Variants in WWTR1 observed in about 807,000 individuals in gnomAD.
The protein encoded by WWTR1 is WW domain-containing transcription regulator protein 1.
A neutral mutation model predicts 40.1 loss-of-function variants in WWTR1; 13 were observed. That is an observed-to-expected ratio of 0.32 (90% confidence interval 0.21 to 0.52). The LOEUF (loss-of-function observed/expected upper bound fraction) is 0.52, where lower values mean the gene tolerates loss of function less well. Ranked by LOEUF, WWTR1 falls within the 20% of genes least tolerant of loss-of-function variation. WWTR1 has a pLI of 0.97. For synonymous variants in WWTR1, 230 were observed against 210.1 expected (o/e 1.09, Z -0.82); for missense variants, 436 against 523.1 (o/e 0.83, Z 1.63).
rs1713279473 is a variant in WWTR1, at chr3:149,657,053, A to G, written c.254T>C (p.Val85Ala). ...GPRLAGGAQH[V>A]RSHSSPASLQ... ...GGACGCGGGCGACGAGTGCGAGCGG[A>G]CATGCTGGGCACCCCCAGCCAGTCG... The change falls in exon 2 of 7, where the codon GTC (valine) becomes GCC (alanine). Residue 85 changes from valine to alanine, a missense_variant. Coordinates refer to ENST00000360632, the MANE Select transcript of WWTR1 (RefSeq NM_015472.6). 1.3e-6 allele frequency: 2 copies of G among 1,574,970 alleles called. No individual in the cohort carries two copies. Among genetic ancestry groups the G allele is most frequent in the Non-Finnish European group, 1.7e-6 (2 of 1,165,022 alleles).
At chr3:149,589,553 G>A (rs1376629567) in intron 2 of WWTR1, among the ~76,000 whole-genome samples, 5 of 151,764 alleles carry the variant, frequency 3.3e-5, no homozygotes, top group Non-Finnish European at 7.4e-5. Flanking sequence ...GAGGAACCCC[G>A]TGCAATGAGT....
At chr3:149,583,608 A>G (rs1738257459) in intron 2 of WWTR1, among the ~76,000 whole-genome samples, 1 of 152,224 alleles carries the variant, frequency 6.6e-6, no homozygotes, top group African/African-American at 2.4e-5. Context: ...ATCTTTCAGT[A>G]AGCCCAATGC....
chr3:149,522,727 G>A (rs1735115049), intron 6 of WWTR1, among the ~76,000 whole-genome samples: 1 of 151,850 alleles, frequency 6.6e-6, no homozygotes, highest in Non-Finnish European at 1.5e-5. Context: ...TTTTAGCCAA[G>A]CAAAATCTCT....
At chr3:149,564,024 G>C (rs1331428371) in intron 3 of WWTR1, among the ~76,000 whole-genome samples, 1 of 152,194 alleles carries the variant, frequency 6.6e-6, no homozygotes, top group African/African-American at 2.4e-5. Flanking sequence ...AAAGCGCTGG[G>C]ATTACAGGTG....
chr3:149,708,710 C>T (rs62271165), intron 5 of WWTR1, among the ~76,000 whole-genome samples: 48,152 of 152,048 alleles, frequency 0.32, 8,456 homozygotes, highest in Middle Eastern at 0.52. Flanking sequence ...ATCCATTTGT[C>T]TGTTGATGGA....
chr3:149,649,394 A>G (rs1243917397), intron 2 of WWTR1, among the ~76,000 whole-genome samples: 2 of 152,256 alleles, frequency 1.3e-5, no homozygotes, highest in Non-Finnish European at 2.9e-5. Flanking sequence ...TTCACCGTCT[A>G]AATCCCGAAC....
intron 2 of WWTR1, among the ~76,000 whole-genome samples, chr3:149,585,299 A>AT (rs1576579365): frequency 1.3e-5 from 2 of 151,906 alleles, no homozygotes; most frequent in Non-Finnish European, 2.9e-5. Flanking sequence ...CGCCAGGCTA[A>AT]TTTTTTTGTA....
chr3:149,564,647 A>G (rs923608467), intron 3 of WWTR1, among the ~76,000 whole-genome samples: 1 of 152,228 alleles, frequency 6.6e-6, no homozygotes, highest in African/African-American at 2.4e-5. Flanking sequence ...TCTACAGAAG[A>G]GTACACCTAT....
At chr3:149,635,352 T>C (rs1266731052) in intron 2 of WWTR1, among the ~76,000 whole-genome samples, 2 of 152,172 alleles carry the variant, frequency 1.3e-5, no homozygotes, top group East Asian at 1.9e-4. Flanking sequence ...TTAAGTAACA[T>C]TACAGTCCCA....
intron 2 of WWTR1, among the ~76,000 whole-genome samples, chr3:149,574,756 C>T (rs1454103417): frequency 2.0e-5 from 3 of 146,832 alleles, no homozygotes; most frequent in Non-Finnish European, 3.0e-5. Context: ...TGCGTGAAAA[C>T]TTGGGTCTAA....
chr3:149,683,174 A>C (rs1299633493), intron 1 of WWTR1, among the ~76,000 whole-genome samples: 1 of 152,228 alleles, frequency 6.6e-6, no homozygotes, highest in South Asian at 2.1e-4. Context: ...CAACCACCCT[A>C]TGAAAGGGAT....
rs1268544546 is a variant in WWTR1, at chr3:149,657,210, T to C, written c.97A>G (p.Asn33Asp). 1 of 1,612,318 alleles carries C rather than the reference T, an allele frequency of 6.2e-7. No individual in the cohort carries two copies. The highest frequency in any genetic ancestry group is 1.3e-5 in the African/African-American group (1 of 74,922). The change falls in exon 2 of 7, where the codon AAC becomes GAC. Residue 33 changes from asparagine (N) to aspartate (D), a missense_variant. Coordinates refer to ENST00000360632, the MANE Select transcript of WWTR1 (RefSeq NM_015472.6). ...CTAGGCTTCGGATTCATGACAGAGT[T>C]GAAGAGGGCTTCGAGGTCTGTGTCT... The part of the protein sequence containing the change: ...DLDTDLEALF[N>D]SVMNPKPSSW...
intron 3 of WWTR1, among the ~76,000 whole-genome samples, chr3:149,559,293 C>CAAAAAAAAAAAAAAAA (rs57470539): frequency 4.5e-4 from 26 of 58,070 alleles, no homozygotes; most frequent in African/African-American, 5.3e-4. Context: ...GACTCCATCT[C>CAAAAAAAAAAAAAAAA]AAAAAAAAAA....
chr3:149,574,427 C>A lies in WWTR1; in HGVS notation c.432-1427G>T, dbSNP rs141601245. Among the ~76,000 whole-genome samples, 554 of 152,264 alleles carry A rather than the reference C, an allele frequency of 3.6e-3. 10 individuals carry two copies. The highest frequency in any genetic ancestry group is 0.033 in the Admixed American group (512 of 15,290). Reference sequence around the variant, plus strand: ...TAGCCCTTTGTTTTGGGCCTCACAACCAGGTGGGTCTCTTCCAGTCAGGCC... The same window carrying A: ...TAGCCCTTTGTTTTGGGCCTCACAAACAGGTGGGTCTCTTCCAGTCAGGCC... On this transcript the variant is annotated intron_variant, in intron 2 of 6. Transcript: ENST00000360632.
At chr3:149,535,359 T>C (rs895596747) in intron 4 of WWTR1, among the ~76,000 whole-genome samples, 1 of 152,074 alleles carries the variant, frequency 6.6e-6, no homozygotes, top group Non-Finnish European at 1.5e-5. Flanking sequence ...ATTTACCTTC[T>C]TTACGGGGGA....
intron 3 of WWTR1, among the ~76,000 whole-genome samples, chr3:149,557,694 T>C (rs1736892448): frequency 6.6e-6 from 1 of 152,114 alleles, no homozygotes; most frequent in South Asian, 2.1e-4. Context: ...CAATTATTTA[T>C]TTTTATCCTT....
chr3:149,628,166 C>T (rs1740665538), intron 2 of WWTR1, among the ~76,000 whole-genome samples: 1 of 151,462 alleles, frequency 6.6e-6, no homozygotes, highest in African/African-American at 2.4e-5. Context: ...GTCAGGCAAT[C>T]GAGACCATCT....
At chr3:149,621,310 A>C (rs1740253908) in intron 2 of WWTR1, among the ~76,000 whole-genome samples, 1 of 152,166 alleles carries the variant, frequency 6.6e-6, no homozygotes, top group African/African-American at 2.4e-5. Context: ...TAATCACAGA[A>C]GTCTTTGTGA....
At chr3:149,571,553 C>T (rs565968989) in intron 3 of WWTR1, among the ~76,000 whole-genome samples, 1 of 152,254 alleles carries the variant, frequency 6.6e-6, no homozygotes, top group South Asian at 2.1e-4. Flanking sequence ...ATGTCATTTG[C>T]TTTTTGGAAA....
Sources: gnomAD v4.1 joint callset for allele counts (sites outside exome capture counted in the v4.1 genomes callset) on GRCh38, gnomAD v4.1.1 for gene constraint, MANE v1.5 for transcripts, NCBI Gene and HGNC (gene_info 2026-07-23, HGNC 2026-07-21) for gene names.